NAALADL1: variants seen among roughly 807,000 people sequenced by gnomAD.
NAALADL1 encodes the protein aminopeptidase NAALADL1.
Under a neutral mutation model 82.8 loss-of-function variants are expected in NAALADL1, and 77 were observed. The observed-to-expected ratio is 0.93, with a 90% CI of 0.77 to 1.12. The LOEUF (loss-of-function observed/expected upper bound fraction) is 1.12, where lower values mean the gene tolerates loss of function less well. Ranked by LOEUF, NAALADL1 falls within the 50% of genes most tolerant of loss-of-function variation. The pLI, the probability that NAALADL1 is intolerant of heterozygous loss-of-function variation, is 0.00. For missense variants in NAALADL1, 956 were observed against 964.0 expected (o/e 0.99, Z 0.11); for synonymous variants, 358 against 399.2 (o/e 0.90, Z 1.23).
In NAALADL1 at chr11:65,054,741, G is replaced by A; in HGVS notation, c.604-3C>T. On this transcript the variant is annotated splice_polypyrimidine_tract_variant and splice_region_variant and intron_variant, in intron 4 of 17. Coordinates refer to ENST00000358658, the MANE Select transcript of NAALADL1 (RefSeq NM_005468.3). The surrounding 1 kb of genome is among the most constrained non-coding windows in gnomAD (Gnocchi z 4.3). ...CCGTGCTTGGCAGCGTTCACAGCCT[G>A]CAGTGGGCAGAGGAGGCTGTGTGTA... The A allele has an allele frequency of 6.2e-7, 1 of 1,612,522 alleles. No individual in the cohort carries two copies. The highest frequency in any genetic ancestry group is 1.1e-5 in the South Asian group (1 of 91,042).
intron 4 of NAALADL1, among the ~76,000 whole-genome samples, chr11:65,055,733 T>G (rs2137026997): frequency 6.6e-6 from 1 of 152,264 alleles, no homozygotes; most frequent in East Asian, 1.9e-4. Context: ...GTTCTGGAAA[T>G]GGGTAGTGGT....
At chr11:65,045,725 C>T in intron 17 of NAALADL1, 97 bp downstream of exon 17, 2 of 1,249,192 alleles carry the variant, frequency 1.6e-6, no homozygotes, top group Non-Finnish European at 2.3e-6. Context: ...CTGGGTTGCA[C>T]TCTAAAGGGC....
Position 65,058,174 on chromosome 11 carries a change from TC to T in NAALADL1, c.261del (p.Trp87Ter). ...EDLVQLLLQR[W>X]KDPESGLDSA... ...GAGTCCAGGCCTGACTCTGGGTCCT[TC>T]CAGCGCTGCAGCAGCAGCTGCACCA... is the stretch of plus-strand genomic sequence containing the variant. On this transcript the variant is annotated frameshift_variant, in exon 2 of 18. Transcript: ENST00000358658. LOFTEE classifies it high-confidence loss of function. 6.2e-7 allele frequency: 1 copy of T among 1,613,908 alleles called. No individual in the cohort carries two copies. The highest frequency in any genetic ancestry group is 8.5e-7 in the Non-Finnish European group (1 of 1,179,928).
At chr11:65,059,081 C>T (rs1338917807), upstream of NAALADL1, among the ~76,000 whole-genome samples, 1 of 150,966 alleles carries the variant, frequency 6.6e-6, no homozygotes, top group East Asian at 2.0e-4. Context: ...GGTGTGATCT[C>T]GGCTCACTGC....
chr11:65,049,792 G>C (rs1475999209), intron 8 of NAALADL1, among the ~76,000 whole-genome samples: 2 of 152,156 alleles, frequency 1.3e-5, no homozygotes, highest in Non-Finnish European at 2.9e-5. Context: ...AGGATCGCTT[G>C]AGCCCAGGAG....
chr11:65,046,063 C>T lies in NAALADL1; in HGVS notation c.1907G>A (p.Gly636Asp). The T allele has an allele frequency of 6.2e-7, 1 of 1,614,052 alleles. No homozygotes were observed. The highest frequency in any genetic ancestry group is 2.2e-5 in the East Asian group (1 of 44,896). The change falls in exon 16 of 18, where the codon GGC becomes GAC. Residue 636 changes from glycine to aspartate, a missense_variant. Coordinates refer to ENST00000358658, the MANE Select transcript of NAALADL1 (RefSeq NM_005468.3). ...EKFEAEAAAL[G>D]QRISTLQKGS... is the part of the protein sequence containing the mutation. ...CTTCTGCAGTGTTGATATGCGTTGG[C>T]CCAAGGCTGCAGCTTCTGCCTCAAA...
chr11:65,060,662 G>A (rs758324111), upstream of NAALADL1, among the ~76,000 whole-genome samples: 2 of 152,124 alleles, frequency 1.3e-5, no homozygotes, highest in Non-Finnish European at 2.9e-5. Flanking sequence ...CTGTGTGTGT[G>A]ACACCCAAGA....
chr11:65,048,224 G>C lies in NAALADL1; in HGVS notation c.1285-9C>G. Reference sequence around the variant, plus strand: ...AGCTTGTTGAAGAACTCCTGCGGGTGCGAGGGGCGACGTCAGCCCCGCGCC... The same window carrying C: ...AGCTTGTTGAAGAACTCCTGCGGGTCCGAGGGGCGACGTCAGCCCCGCGCC... On this transcript the variant is annotated splice_polypyrimidine_tract_variant and intron_variant, in intron 9 of 17. Coordinates refer to ENST00000358658, the MANE Select transcript of NAALADL1 (RefSeq NM_005468.3). 2 of 1,613,848 alleles carry C rather than the reference G, an allele frequency of 1.2e-6. No homozygotes were observed. The highest frequency in any genetic ancestry group is 1.7e-6 in the Non-Finnish European group (2 of 1,179,974).
rs761958259 is a variant in NAALADL1, at chr11:65,057,358, G to A, written c.603+13C>T. The A allele has an allele frequency of 6.3e-7, 1 of 1,599,072 alleles. No homozygotes were observed. Among genetic ancestry groups the A allele is most frequent in the African/African-American group, 1.3e-5 (1 of 74,400 alleles). The stretch of plus-strand genomic sequence containing the variant: ...CTCACCGAGGCCTCCTGCACTGGGG[G>A]ACTGCCACTCACCTTGGCCCCACGC... On this transcript the variant is annotated intron_variant, in intron 4 of 17. Transcript: ENST00000358658.
In NAALADL1 at chr11:65,048,205, T is replaced by C; in HGVS notation, c.1295A>G (p.Asn432Ser). ...GSTEFTEEFFNKLQERTVAYI... is the reference protein window; with the variant it reads ...GSTEFTEEFFSKLQERTVAYI... ...GGCCACCGTGCGCTCCTGCAGCTTG[T>C]TGAAGAACTCCTGCGGGTGCGAGGG... The change falls in exon 10 of 18, where the codon AAC becomes AGC. Residue 432 changes from asparagine to serine, a missense_variant. Transcript: ENST00000358658. The C allele has an allele frequency of 6.2e-7, 1 of 1,613,852 alleles. No individual in the cohort carries two copies. Among genetic ancestry groups the C allele is most frequent in the Non-Finnish European group, 8.5e-7 (1 of 1,179,960 alleles).
chr11:65,045,782 C>T (rs897362274), intron 17 of NAALADL1, 40 bp downstream of exon 17: 1 of 1,591,096 alleles, frequency 6.3e-7, no homozygotes, highest in Non-Finnish European at 8.6e-7. Flanking sequence ...TTGTCCGGCC[C>T]CACCTGGAGG....
upstream of NAALADL1, chr11:65,058,622 C>T (rs981465072): frequency 4.3e-5 from 49 of 1,130,426 alleles, no homozygotes; most frequent in Non-Finnish European, 5.8e-5. Flanking sequence ...GGTGGCACTG[C>T]CCTTTGACCC....
Position 65,049,939 on chromosome 11 carries a change from G to A in NAALADL1, c.1199-1554C>T, listed in dbSNP as rs565154583. ...ATCAACCAGGCTGGAGTGCAGTGGC[G>A]CAATCAGCTCACTGCAACCTCTGCC... On this transcript the variant is annotated intron_variant, in intron 8 of 17. Coordinates refer to ENST00000358658, the MANE Select transcript of NAALADL1 (RefSeq NM_005468.3). Among the ~76,000 whole-genome samples, 6 of 151,414 alleles carry A rather than the reference G, an allele frequency of 4.0e-5. No individual in the cohort carries two copies. In the South Asian group the frequency reaches 6.3e-4, roughly 16 times the overall value.
rs374086988 is a variant in NAALADL1, at chr11:65,054,620, G to T, written c.722C>A (p.Pro241His). The part of the protein sequence containing the change: ...ETFPNSWYLP[P>H]SGVERGSYYE... ...GTAGGAGCCTCGCTCCACTCCTGAG[G>T]GGGGCAGGTACCAGGAGTTGGGAAA... Residue 241 changes from proline (P) to histidine (H), a missense_variant, in exon 5 of 18, where the codon CCC (proline) becomes CAC (histidine). Transcript: ENST00000358658. This position sits in a 1 kb window ranked among gnomAD's most constrained non-coding sequence, Gnocchi z 4.3. The T allele has an allele frequency of 9.3e-6, 15 of 1,613,996 alleles. No individual in the cohort carries two copies. The highest frequency in any genetic ancestry group is 1.2e-5 in the Non-Finnish European group (14 of 1,179,918).
Position 65,045,355 on chromosome 11 carries a change from C to T in NAALADL1, c.2139G>A (p.Trp713Ter), listed in dbSNP as rs1590752797. The T allele has an allele frequency of 6.2e-7, 1 of 1,610,552 alleles. No individual in the cohort carries two copies. Among genetic ancestry groups the T allele is most frequent in the Non-Finnish European group, 8.5e-7 (1 of 1,178,710 alleles). ...TGCTGAGCTGTCTCTGGACCTCAGC[C>T]CAAGCTTCAGATCCAGAAGCTGTGT... ...ARDTASGSEA[W>*]AEVQRQLSIV... The change falls in exon 18 of 18, where the codon TGG (tryptophan) becomes TGA (stop). Residue 713 changes from tryptophan (W) to a stop codon, truncating the protein, a stop_gained. Coordinates refer to ENST00000358658, the MANE Select transcript of NAALADL1 (RefSeq NM_005468.3). LOFTEE classifies it high-confidence loss of function.
In NAALADL1 at chr11:65,057,947, G is replaced by C. The variant is rs373082652; in HGVS notation, c.408C>G (p.Asn136Lys). The C allele has an allele frequency of 6.2e-7, 1 of 1,614,124 alleles. No homozygotes were observed. ...CTGGCCCCCCTTGCTCCCCGGTCAC[G>C]TTCTCCTCAGTCCGGTGGCAGGAGT... Reference protein sequence around the residue: ...IIHSCHRTEENVTGEQGGPDV... With the variant: ...IIHSCHRTEEKVTGEQGGPDV... Residue 136 changes from asparagine (N) to lysine (K), a missense_variant, in exon 3 of 18, where the codon AAC (asparagine) becomes AAG (lysine). Physicochemically the swap from Asn to Lys is moderately conservative, Grantham distance 94. Transcript: ENST00000358658.
In NAALADL1 at chr11:65,044,837, T is replaced by C; in HGVS notation, c.*434A>G. The stretch of plus-strand genomic sequence containing the variant: ...AACTTGTTTTGTTGGTACCAGTCAC[T>C]AGATGTGATTTATTTGAGGGGCTGT... On this transcript the variant is annotated 3_prime_UTR_variant, in exon 18 of 18. Coordinates refer to ENST00000358658, the MANE Select transcript of NAALADL1 (RefSeq NM_005468.3). This position sits in a 1 kb window ranked among gnomAD's most constrained non-coding sequence, Gnocchi z 4.0. 1 of 1,211,438 alleles carries C rather than the reference T, an allele frequency of 8.3e-7. No homozygotes were observed. The highest frequency in any genetic ancestry group is 1.1e-6 in the Non-Finnish European group (1 of 890,048). 75.0% of individuals were successfully genotyped at this position (1,211,438 alleles called of 1,614,324 possible). A position where few individuals can be genotyped will look rare whatever the true frequency, so the allele number is the denominator to read the frequency against.
chr11:65,048,427 G>T (rs1178410452), intron 8 of NAALADL1, 42 bp from the exon 9 acceptor site: 1 of 1,599,400 alleles, frequency 6.3e-7, no homozygotes, highest in East Asian at 2.2e-5. Flanking sequence ...GGGTCCTCCT[G>T]ATCCTAGGGT....
rs1343466599 is a variant in NAALADL1 at position 65,058,371 on chromosome 11, G to A, written c.151C>T (p.Gln51Ter). Residue 51 changes from glutamine (Q) to a stop codon, truncating the protein, a stop_gained, in exon 1 of 18, where the codon CAG becomes TAG. Transcript: ENST00000358658. LOFTEE classifies it high-confidence loss of function. Reference protein sequence around the residue: ...DLEILETVMGQLDAHRIRENL... With the variant: ...DLEILETVMG Reference sequence around the variant, plus strand: ...TCCCGGATCCTGTGGGCATCCAGCTGCCCCATGACGGTCTCCAGGATCTCC... The same window carrying A: ...TCCCGGATCCTGTGGGCATCCAGCTACCCCATGACGGTCTCCAGGATCTCC... 6.2e-7 allele frequency: 1 copy of A among 1,614,166 alleles called. No homozygotes were observed. The highest frequency in any genetic ancestry group is 8.5e-7 in the Non-Finnish European group (1 of 1,179,998).
Sources: gnomAD v4.1 joint callset for allele counts (sites outside exome capture counted in the v4.1 genomes callset) on GRCh38, gnomAD v4.1.1 for gene constraint, Gnocchi (gnomAD v3.1) non-coding constraint, MANE v1.5 for transcripts, NCBI Gene and HGNC (gene_info 2026-07-23, HGNC 2026-07-21) for gene names.